Variants in PCDH11X observed in about 807,000 individuals in gnomAD.
PCDH11X encodes protocadherin 11 X-linked, also known as protocadherin-11 X-linked.
PCDH11X carries 18 observed loss-of-function variants against 53.3 expected under a neutral mutation model. That is an observed-to-expected ratio of 0.34 (90% CI 0.23 to 0.50). The LOEUF is 0.50. Ranked by LOEUF, PCDH11X falls within the 20% of genes least tolerant of loss-of-function variation. The pLI is 0.98. For missense variants in PCDH11X, 570 were observed against 1,032.4 expected (o/e 0.55, Z 6.14); for synonymous variants, 279 against 393.3 (o/e 0.71, Z 3.44).
chrX:92,372,206 A>G (rs1298333521), intron 8 of PCDH11X, among the ~76,000 whole-genome samples: 2 of 110,611 alleles, frequency 1.8e-5, no homozygotes, highest in Non-Finnish European at 3.8e-5. Flanking sequence ...TAAGGAAAAT[A>G]AAAGATTCTT....
At position 92,060,136 on chromosome X, in the gene PCDH11X, T is replaced by C. The variant is rs565871998; in HGVS notation, c.3034-141239T>C. ...CTTTGAGAAAATTCCATCCACAATC[T>C]GATGAACTCCCAATTTAAAAATACA... On this transcript the variant is annotated intron_variant, in intron 6 of 10. Coordinates refer to ENST00000682573, the MANE Select transcript of PCDH11X (RefSeq NM_032968.5). Among the ~76,000 whole-genome samples, 21 of 108,955 alleles carry C rather than the reference T, an allele frequency of 1.9e-4. No individual in the cohort carries two copies. The South Asian group carries it at 8.4e-3, about 44-fold the overall frequency. 94.6% of individuals were successfully genotyped at this position (108,955 alleles called of 115,157 possible).
intron 8 of PCDH11X, among the ~76,000 whole-genome samples, chrX:92,267,336 TC>T (rs1328789825): frequency 1.8e-5 from 2 of 112,257 alleles, no homozygotes; most frequent in African/African-American, 6.5e-5. Context: ...ACTGAGATTC[TC>T]CGAGGAGTAT....
At position 92,618,847 on chromosome X, in the gene PCDH11X, A is replaced by G. The variant is rs753314502; in HGVS notation, c.3951A>G (p.Ser1317=). ...MSERLHPSDD[S]IKVIPLTTFT... ...AAAGACTTCATCCCAGTGATGATTC[A>G]ATTAAAGTCATTCCTTTGACAACCT... The change falls in exon 11 of 11, where the codon TCA becomes TCG. Residue 1317 remains serine, a synonymous_variant. Coordinates refer to ENST00000682573, the MANE Select transcript of PCDH11X (RefSeq NM_032968.5). 1.7e-5 allele frequency: 20 copies of G among 1,210,507 alleles called. No homozygotes were observed. In the East Asian group the frequency reaches 4.7e-4, roughly 29 times the overall value.
At chrX:92,187,682 G>A (rs191256525) in intron 6 of PCDH11X, among the ~76,000 whole-genome samples, 4 of 111,705 alleles carry the variant, frequency 3.6e-5, no homozygotes, top group South Asian at 3.7e-4. Context: ...TGAGGTTTTC[G>A]TTTAACAAAG....
intron 8 of PCDH11X, among the ~76,000 whole-genome samples, chrX:92,298,488 A>G (rs2068655229): frequency 8.9e-6 from 1 of 112,152 alleles, no homozygotes. Context: ...TATCCCAGGA[A>G]TAAAGTCTAT....
At chrX:92,474,596 A>AT in intron 10 of PCDH11X, among the ~76,000 whole-genome samples, 1 of 88,073 alleles carries the variant, frequency 1.1e-5, no homozygotes, top group Middle Eastern at 5.7e-3. Flanking sequence ...TTTTTTTTAA[A>AT]TTTTTTGTCA....
chrX:92,579,908 C>T (rs947059048), intron 10 of PCDH11X, among the ~76,000 whole-genome samples: 1 of 110,829 alleles, frequency 9.0e-6, no homozygotes, highest in Non-Finnish European at 1.9e-5. Flanking sequence ...GGCTGCTGAA[C>T]TTTGGATGGA....
chrX:92,190,936 G>T (rs994567415), intron 6 of PCDH11X, among the ~76,000 whole-genome samples: 1 of 111,532 alleles, frequency 9.0e-6, no homozygotes, highest in Non-Finnish European at 1.9e-5. Context: ...TTTTACTGAC[G>T]ATTTTGTTAT....
intron 6 of PCDH11X, chrX:91,883,272 C>G: frequency 1.3e-6 from 1 of 757,399 alleles, no homozygotes; most frequent in Non-Finnish European, 1.6e-6. Flanking sequence ...ATATATCAGT[C>G]ATGAAACATG....
intron 7 of PCDH11X, among the ~76,000 whole-genome samples, chrX:92,207,940 T>G (rs1269892136): frequency 9.0e-6 from 1 of 111,231 alleles, no homozygotes; most frequent in Non-Finnish European, 1.9e-5. Flanking sequence ...CTCACCCCTA[T>G]AATCCTAGCA....
intron 5 of PCDH11X, among the ~76,000 whole-genome samples, chrX:91,851,206 CTAAA>C (rs1399442743): frequency 1.3e-4 from 15 of 111,126 alleles, no homozygotes; most frequent in African/African-American, 4.9e-4. Flanking sequence ...CAGAAAATCA[CTAAA>C]TAATGCATGA....
At chrX:92,005,066 G>T (rs894510140) in intron 6 of PCDH11X, among the ~76,000 whole-genome samples, 9 of 111,042 alleles carry the variant, frequency 8.1e-5, no homozygotes, top group Non-Finnish European at 1.7e-4. Context: ...GAGCCACTGC[G>T]CCTGGCCTAT....
At chrX:92,568,033 A>G (rs776111020) in intron 10 of PCDH11X, among the ~76,000 whole-genome samples, 1 of 108,377 alleles carries the variant, frequency 9.2e-6, no homozygotes, top group South Asian at 4.1e-4. Context: ...AAGATCATAC[A>G]AAAAGCCCTG....
chrX:92,493,475 T>A (rs1232558349), intron 10 of PCDH11X, among the ~76,000 whole-genome samples: 1 of 109,666 alleles, frequency 9.1e-6, no homozygotes, highest in African/African-American at 3.3e-5. Flanking sequence ...CATACATCTT[T>A]TTTTTTTGGC....
chrX:92,078,492 C>T (rs1217071557), intron 6 of PCDH11X, among the ~76,000 whole-genome samples: 2 of 111,088 alleles, frequency 1.8e-5, no homozygotes, highest in African/African-American at 6.5e-5. Context: ...ATCTTCAAGT[C>T]ATTTTAAGAG....
At position 92,166,996 on chromosome X, in the gene PCDH11X, A is replaced by G. The variant is rs1306655461; in HGVS notation, c.3034-34379A>G. On this transcript the variant is annotated intron_variant, in intron 6 of 10. Coordinates refer to ENST00000682573, the MANE Select transcript of PCDH11X (RefSeq NM_032968.5). ...CTGTAAACTGATGATTCCATCCTTT[A>G]TCACGTTGGCAACTCTCCTTATTAT... Among the ~76,000 whole-genome samples, 3 of 110,022 alleles carry G rather than the reference A, an allele frequency of 2.7e-5. No homozygotes were observed. The East Asian group carries it at 8.6e-4, about 32-fold the overall frequency.
At position 92,524,539 on chromosome X, in the gene PCDH11X, C is replaced by T. The variant is rs374037264; in HGVS notation, c.3367+56217C>T. Among the ~76,000 whole-genome samples the T allele has an allele frequency of 2.9e-5, 3 of 103,522 alleles. No individual in the cohort carries two copies. The East Asian group carries it at 9.5e-4, about 33-fold the overall frequency. The allele number at this position is 103,522 out of a possible 115,157, so 89.9% of individuals were successfully genotyped here. On this transcript the variant is annotated intron_variant, in intron 10 of 10. Coordinates refer to ENST00000682573, the MANE Select transcript of PCDH11X (RefSeq NM_032968.5). ...TGATATCTACTGCCCATAGCAACTG[C>T]CCAGTTGTCAGTAACCCCATCCCTA...
intron 6 of PCDH11X, among the ~76,000 whole-genome samples, chrX:92,106,904 A>C (rs1321867005): frequency 2.7e-5 from 3 of 111,433 alleles, no homozygotes. Context: ...CTCACTATAC[A>C]TCCCACCAGC....
At chrX:92,607,572 C>T (rs995810604) in intron 10 of PCDH11X, among the ~76,000 whole-genome samples, 1 of 111,375 alleles carries the variant, frequency 9.0e-6, no homozygotes, top group Non-Finnish European at 1.9e-5. Flanking sequence ...TACTAAAAAC[C>T]ACTGAATTTC....
Sources: allele counts gnomAD v4.1 joint callset (sites outside exome capture counted in the v4.1 genomes callset), GRCh38; gene constraint gnomAD v4.1.1; transcripts MANE v1.5; gene names NCBI Gene and HGNC (gene_info 2026-07-23, HGNC 2026-07-21).